Variants in SPG7 observed in about 807,000 individuals in gnomAD.
SPG7 encodes SPG7 matrix AAA peptidase subunit, paraplegin.
Under a neutral mutation model 81.9 loss-of-function variants are expected in SPG7, and 103 were observed. The ratio of observed to expected loss-of-function variants is 1.26; its 90% CI spans 1.07 to 1.48. The LOEUF is 1.48. SPG7 is among the 40% of genes most tolerant of loss of function. The pLI is 0.00. For synonymous variants in SPG7, 534 were observed against 444.2 expected, an observed-to-expected ratio of 1.20 and a Z score of -2.54; for missense variants, 1,241 against 1,087.3, an observed-to-expected ratio of 1.14 and a Z score of -1.99.
rs777182730 is a variant in SPG7, at chr16:89,532,318, G to T, written c.1151-145G>T. ...CTGAGGGGTGGCCAGGGGCCCCCGCGAGCAGCTGCCGTGTGTCTGTTTGTA... is the reference window on the plus strand; with the variant it reads ...CTGAGGGGTGGCCAGGGGCCCCCGCTAGCAGCTGCCGTGTGTCTGTTTGTA... On this transcript the variant is annotated intron_variant, in intron 8 of 16. Coordinates refer to ENST00000645818, the MANE Select transcript of SPG7 (RefSeq NM_003119.4). 5 of 1,097,646 alleles carry T rather than the reference G, an allele frequency of 4.6e-6. No homozygotes were observed. In the African/African-American group the frequency reaches 4.7e-5, roughly 10 times the overall value. 68.0% of individuals were successfully genotyped at this position (1,097,646 alleles called of 1,614,324 possible).
intron 2 of SPG7, among the ~76,000 whole-genome samples, chr16:89,511,985 C>G (rs1308075573): frequency 6.6e-6 from 1 of 152,036 alleles, no homozygotes; most frequent in African/African-American, 2.4e-5. Flanking sequence ...GATCTCCGCT[C>G]ACTGCAAGCT....
intron 9 of SPG7, chr16:89,542,205 T>C (rs553949377): frequency 2.0e-5 from 3 of 152,308 alleles, no homozygotes; most frequent in African/African-American, 7.2e-5. Context: ...TTTTTTTCAC[T>C]GTTTATACAA....
At chr16:89,547,360 C>A (rs1053446211) in intron 11 of SPG7, 5 of 179,394 alleles carry the variant, frequency 2.8e-5, no homozygotes, top group Admixed American at 2.7e-4. Flanking sequence ...GGGTGTGGAA[C>A]TAACTGCCCT....
Position 89,508,547 on chromosome 16 carries a change from A to G in SPG7, c.130A>G (p.Met44Val). ...CAGGCCCGGGAGGGGGCGGCCGTACATGGCCAGCAGGCCTCCGGGGGACCT... is the reference window on the plus strand; with the variant it reads ...CAGGCCCGGGAGGGGGCGGCCGTACGTGGCCAGCAGGCCTCCGGGGGACCT... ...PARPGRGRPY[M>V]ASRPPGDLAE... The change falls in exon 1 of 17, where the codon ATG becomes GTG. Residue 44 changes from methionine (M) to valine (V), a missense_variant. Transcript: ENST00000645818. 1 of 1,510,558 alleles carries G rather than the reference A, an allele frequency of 6.6e-7. No homozygotes were observed. Among genetic ancestry groups the G allele is most frequent in the Non-Finnish European group, 8.8e-7 (1 of 1,134,968 alleles). 93.6% of individuals were successfully genotyped at this position (1,510,558 alleles called of 1,614,324 possible). A position where few individuals can be genotyped will look rare whatever the true frequency, so the allele number is the denominator to read the frequency against.
At chr16:89,528,027 G>C (rs2058287493) in intron 5 of SPG7, among the ~76,000 whole-genome samples, 1 of 152,176 alleles carries the variant, frequency 6.6e-6, no homozygotes, top group Non-Finnish European at 1.5e-5. Flanking sequence ...TTGTAGGCCA[G>C]TGATGTACAG....
At chr16:89,547,261 T>C in intron 11 of SPG7, 1 of 195,744 alleles carries the variant, frequency 5.1e-6, no homozygotes, top group East Asian at 1.2e-4. Flanking sequence ...CGTTAGGGTC[T>C]TTCACTAGAA....
intron 3 of SPG7, among the ~76,000 whole-genome samples, chr16:89,513,345 C>T (rs574019737): frequency 1.6e-4 from 24 of 152,012 alleles, no homozygotes; most frequent in Admixed American, 5.9e-4. Flanking sequence ...GGTGAAACCC[C>T]GTCTTTACTA....
intron 3 of SPG7, among the ~76,000 whole-genome samples, chr16:89,516,583 G>A (rs184023851): frequency 1.1e-4 from 16 of 152,032 alleles, no homozygotes; most frequent in Non-Finnish European, 2.1e-4. Flanking sequence ...AGAAAAGGCC[G>A]GGCGTGGTGG....
chr16:89,510,618 T>C (rs1442976584), intron 2 of SPG7, 26 bp downstream of exon 2: 3 of 1,348,512 alleles, frequency 2.2e-6, no homozygotes, highest in Non-Finnish European at 2.1e-6. Context: ...AAGAAGCAGC[T>C]GAGCATGACT....
At chr16:89,540,245 C>G (rs2058477964) in intron 9 of SPG7, 1 of 152,162 alleles carries the variant, frequency 6.6e-6, no homozygotes, top group Non-Finnish European at 1.5e-5. Context: ...ACCAAAGTAT[C>G]TTGCTGAGAT....
chr16:89,540,755 G>C (rs554139070), intron 9 of SPG7: 1 of 328,352 alleles, frequency 3.0e-6, no homozygotes, highest in Non-Finnish European at 4.4e-6. Flanking sequence ...ATGTGACCCC[G>C]TGTCCACATG....
chr16:89,524,748 T>G (rs2058238994), intron 4 of SPG7, among the ~76,000 whole-genome samples: 3 of 152,048 alleles, frequency 2.0e-5, no homozygotes, highest in African/African-American at 7.2e-5. Flanking sequence ...CCCAGCCAGA[T>G]CTGGTAACTT....
In SPG7 at chr16:89,526,393, C is replaced by G. The variant is rs757998476; in HGVS notation, c.683C>G (p.Ala228Gly). The change falls in exon 5 of 17, where the codon GCA becomes GGA. Residue 228 changes from alanine to glycine, a missense_variant. Ala to Gly is a moderately conservative substitution (Grantham distance 60, BLOSUM62 0). Coordinates refer to ENST00000645818, the MANE Select transcript of SPG7 (RefSeq NM_003119.4). ...GACAAGTTTGAAGAGAAGCTTCGAGCAGCTGAAGATGAGCTGAATATCGAG... is the reference window on the plus strand; with the variant it reads ...GACAAGTTTGAAGAGAAGCTTCGAGGAGCTGAAGATGAGCTGAATATCGAG... The part of the protein sequence containing the change: ...NIDKFEEKLR[A>G]AEDELNIEAK... 1.5e-5 allele frequency: 25 copies of G among 1,614,158 alleles called. No homozygotes were observed. The highest frequency in any genetic ancestry group is 1.9e-5 in the Non-Finnish European group (23 of 1,180,000).
At position 89,508,492 on chromosome 16, in the gene SPG7, A is replaced by G; in HGVS notation, c.75A>G (p.Pro25=). The change falls in exon 1 of 17, where the codon CCA becomes CCG. Residue 25 remains proline, a synonymous_variant. Coordinates refer to ENST00000645818, the MANE Select transcript of SPG7 (RefSeq NM_003119.4). ...PGPGPRPLWG[P]GPAWSPGFPA... ...CGGGTCCTCGGCCGCTGTGGGGCCCAGGCCCGGCCTGGAGTCCAGGGTTCC... is the reference window on the plus strand; with the variant it reads ...CGGGTCCTCGGCCGCTGTGGGGCCCGGGCCCGGCCTGGAGTCCAGGGTTCC... The G allele has an allele frequency of 6.6e-7, 1 of 1,510,704 alleles. No individual in the cohort carries two copies. Among genetic ancestry groups the G allele is most frequent in the Admixed American group, 2.0e-5 (1 of 48,954 alleles). 93.6% of individuals were successfully genotyped at this position (1,510,704 alleles called of 1,614,324 possible). A position where few individuals can be genotyped will look rare whatever the true frequency, so the allele number is the denominator to read the frequency against.
chr16:89,532,169 G>T (rs111774208), intron 8 of SPG7, 103 bp downstream of exon 8: 6 of 1,262,400 alleles, frequency 4.8e-6, no homozygotes, highest in South Asian at 1.2e-5. Context: ...ACGGGTGGGT[G>T]GGGGAGTAGA....
At chr16:89,553,538 A>T in intron 14 of SPG7, 1 of 556,020 alleles carries the variant, frequency 1.8e-6, no homozygotes, top group Non-Finnish European at 3.2e-6. Context: ...GTGCTTGAGA[A>T]CTGCCATGCA....
At chr16:89,526,683 C>T in intron 5 of SPG7, 1 of 529,074 alleles carries the variant, frequency 1.9e-6, no homozygotes, top group Non-Finnish European at 3.5e-6. Context: ...GGTTCTCGGA[C>T]TTCCCAAGGA....
chr16:89,549,107 G>A (rs1450379917), intron 12 of SPG7: 2 of 456,584 alleles, frequency 4.4e-6, no homozygotes, highest in South Asian at 1.5e-5. Flanking sequence ...GACTGGCGCT[G>A]CCTGTGTCTT....
At chr16:89,520,255 G>A (rs2058167671) in intron 3 of SPG7, 2 of 153,536 alleles carry the variant, frequency 1.3e-5, no homozygotes, top group African/African-American at 4.8e-5. Flanking sequence ...GGCGGGAAGA[G>A]GTGCATCGGG....
Sources: gnomAD v4.1 joint callset for allele counts (sites outside exome capture counted in the v4.1 genomes callset) on GRCh38, gnomAD v4.1.1 for gene constraint, MANE v1.5 for transcripts, NCBI Gene and HGNC (gene_info 2026-07-23, HGNC 2026-07-21) for gene names.